GPD2: variants seen among roughly 807,000 people sequenced by gnomAD.
GPD2 encodes glycerol-3-phosphate dehydrogenase 2.
In GPD2, 54 loss-of-function variants were observed where a neutral mutation model predicts 82.4. The ratio of observed to expected loss-of-function variants is 0.66; its 90% CI spans 0.53 to 0.82. The LOEUF (loss-of-function observed/expected upper bound fraction) is 0.82. Among genes scored for constraint, GPD2 ranks in the 40% least tolerant of loss-of-function variants. The pLI is 0.00. For synonymous variants in GPD2, 288 were observed against 306.1 expected (o/e 0.94, Z 0.62); for missense variants, 748 against 896.2 (o/e 0.83, Z 2.11).
chr2:156,426,158 C>T, the GPD2 span, among the ~76,000 whole-genome samples: 1 of 152,078 alleles, frequency 6.6e-6, no homozygotes. Context: ...CTCCTGACCT[C>T]GTGATCCGCC....
intron 16 of GPD2, among the ~76,000 whole-genome samples, chr2:156,580,819 T>C (rs1200718457): frequency 2.0e-5 from 3 of 152,210 alleles, no homozygotes; most frequent in Non-Finnish European, 4.4e-5. Flanking sequence ...TGTTTGGTTC[T>C]TTAGCTTACT....
chr2:156,405,264 G>A, the GPD2 span, among the ~76,000 whole-genome samples: 2 of 152,168 alleles, frequency 1.3e-5, no homozygotes, highest in Non-Finnish European at 2.9e-5. Context: ...GAAGGAAAGG[G>A]GTGGTGTAAA....
chr2:156,495,499 C>T, intron 2 of GPD2: 2 of 311,020 alleles, frequency 6.4e-6, no homozygotes, highest in Non-Finnish European at 1.4e-5. Context: ...TTATTTAGTA[C>T]CTTCTGTTAA....
chr2:156,415,725 C>T, the GPD2 span, among the ~76,000 whole-genome samples: 1 of 151,990 alleles, frequency 6.6e-6, no homozygotes. Flanking sequence ...TGTGGTGGCA[C>T]ATGCTTATAA....
At chr2:156,428,254 G>A in the GPD2 span, among the ~76,000 whole-genome samples, 1 of 152,094 alleles carries the variant, frequency 6.6e-6, no homozygotes, top group East Asian at 1.9e-4. Flanking sequence ...GCAACAGCAG[G>A]ACCCAAAAGG....
At chr2:156,569,892 T>G (rs1687549104) in intron 11 of GPD2, among the ~76,000 whole-genome samples, 195 bp from the exon 12 acceptor site, 1 of 152,124 alleles carries the variant, frequency 6.6e-6, no homozygotes, top group African/African-American at 2.4e-5. Context: ...GATACATGTG[T>G]AAGAGAGTTA....
intron 3 of GPD2, among the ~76,000 whole-genome samples, chr2:156,502,841 C>A (rs1029423368): frequency 7.2e-6 from 1 of 139,578 alleles, no homozygotes; most frequent in Non-Finnish European, 1.6e-5. Flanking sequence ...GTCTTTTAAT[C>A]AGTAAATGGA....
chr2:156,579,159 T>C lies in GPD2; in HGVS notation c.1954T>C (p.Leu652=). The C allele has an allele frequency of 6.3e-7, 1 of 1,585,120 alleles. No homozygotes were observed. Residue 652 remains leucine, a synonymous_variant, in exon 15 of 17, where the codon TTA becomes CTA. Transcript: ENST00000438166. Reference sequence around the variant, plus strand: ...TACCATTGTTGATGTTCAGCGTGTATTAGAGGTAATTTTCTTTGGTTGATG... The same window carrying C: ...TACCATTGTTGATGTTCAGCGTGTACTAGAGGTAATTTTCTTTGGTTGATG... ...FITIVDVQRV[L]ESINVQMDEN...
intron 8 of GPD2, among the ~76,000 whole-genome samples, chr2:156,551,624 A>G (rs1686762689): frequency 6.6e-6 from 1 of 152,184 alleles, no homozygotes; most frequent in Admixed American, 6.5e-5. Context: ...GAGAAATATT[A>G]GAAGCTACTT....
At chr2:156,519,453 A>T (rs187988911) in intron 6 of GPD2, among the ~76,000 whole-genome samples, 9 of 152,322 alleles carry the variant, frequency 5.9e-5, no homozygotes, top group South Asian at 2.1e-4. Context: ...AAAATTGTGT[A>T]TTTAAAGAAA....
At chr2:156,576,508 G>A (rs1444138469) in intron 13 of GPD2, among the ~76,000 whole-genome samples, 1 of 151,736 alleles carries the variant, frequency 6.6e-6, no homozygotes, top group Admixed American at 6.6e-5. Flanking sequence ...CCTAGGAAAG[G>A]ATTTGTTAAT....
intron 6 of GPD2, among the ~76,000 whole-genome samples, chr2:156,531,207 T>G (rs571785): frequency 6.6e-6 from 1 of 151,916 alleles, no homozygotes; most frequent in Non-Finnish European, 1.5e-5. Flanking sequence ...TATGCATAGT[T>G]TTAATTCACC....
chr2:156,472,274 A>T (rs1683357566), intron 1 of GPD2, among the ~76,000 whole-genome samples: 1 of 152,058 alleles, frequency 6.6e-6, no homozygotes, highest in Admixed American at 6.5e-5. Context: ...CATTTGGTTT[A>T]TATAGTTCTA....
intron 1 of GPD2, among the ~76,000 whole-genome samples, chr2:156,448,957 G>C (rs1235166606): frequency 6.6e-6 from 1 of 152,174 alleles, no homozygotes; most frequent in Non-Finnish European, 1.5e-5. Context: ...ACTCCTTCAG[G>C]TTCTGGTGGC....
the GPD2 span, among the ~76,000 whole-genome samples, chr2:156,403,409 A>G: frequency 2.0e-5 from 3 of 152,258 alleles, no homozygotes; most frequent in African/African-American, 7.2e-5. Context: ...TTCTCCTTGT[A>G]TGAGGGTGTA....
intron 13 of GPD2, among the ~76,000 whole-genome samples, chr2:156,578,229 C>T (rs1008401200): frequency 1.3e-5 from 2 of 152,306 alleles, no homozygotes; most frequent in South Asian, 4.1e-4. Context: ...CTTCTCATGA[C>T]TCTGTAACTT....
intron 8 of GPD2, among the ~76,000 whole-genome samples, chr2:156,555,820 T>A (rs1382408683): frequency 1.3e-5 from 2 of 152,196 alleles, no homozygotes; most frequent in Non-Finnish European, 2.9e-5. Flanking sequence ...GGTGGGACTC[T>A]GAGCTGAGGT....
At chr2:156,477,363 T>C (rs1339614069) in intron 2 of GPD2, among the ~76,000 whole-genome samples, 1 of 152,152 alleles carries the variant, frequency 6.6e-6, no homozygotes, top group Non-Finnish European at 1.5e-5. Flanking sequence ...GCCTGGAAGG[T>C]GGAGGCTGTA....
chr2:156,450,588 CAT>C (rs1294478510), intron 1 of GPD2, among the ~76,000 whole-genome samples: 2 of 150,464 alleles, frequency 1.3e-5, no homozygotes, highest in African/African-American at 4.9e-5. Flanking sequence ...GACAATTTGA[CAT>C]ATAGTTTAAG....
Sources: gnomAD v4.1 joint callset for allele counts (sites outside exome capture counted in the v4.1 genomes callset) on GRCh38, gnomAD v4.1.1 for gene constraint, MANE v1.5 for transcripts, NCBI Gene and HGNC (gene_info 2026-07-23, HGNC 2026-07-21) for gene names.